Variants in EPHA5 observed in about 807,000 individuals in gnomAD.
EPHA5 encodes EPH receptor A5.
Under a neutral mutation model 105.0 loss-of-function variants are expected in EPHA5, and 60 were observed. That is an observed-to-expected ratio of 0.57 (90% CI 0.46 to 0.71). EPHA5 has a LOEUF of 0.71. EPHA5 is among the 30% of genes least tolerant of loss of function. EPHA5 has a pLI of 0.00. For synonymous variants in EPHA5, 513 were observed against 449.1 expected (o/e 1.14, Z -1.80); for missense variants, 1,218 against 1,274.7 (o/e 0.96, Z 0.68).
At chr4:65,649,839 T>G (rs1337794434) in intron 1 of EPHA5, among the ~76,000 whole-genome samples, 10 of 152,168 alleles carry the variant, frequency 6.6e-5, no homozygotes, top group Non-Finnish European at 1.3e-4. Flanking sequence ...CTTTTCATCT[T>G]CAGTGACAAC....
intron 13 of EPHA5, among the ~76,000 whole-genome samples, chr4:65,350,699 A>G (rs1326528444): frequency 1.3e-5 from 2 of 152,098 alleles, no homozygotes; most frequent in Non-Finnish European, 2.9e-5. Context: ...AAAAATGTCA[A>G]TTATATACCA....
intron 3 of EPHA5, among the ~76,000 whole-genome samples, chr4:65,524,752 T>C (rs574908577): frequency 3.2e-4 from 49 of 151,958 alleles, no homozygotes; most frequent in African/African-American, 1.2e-3. Flanking sequence ...ACATTTCCCA[T>C]ATGAATGAAG....
intron 8 of EPHA5, among the ~76,000 whole-genome samples, chr4:65,390,129 A>G (rs1447285113): frequency 1.3e-5 from 2 of 151,994 alleles, no homozygotes; most frequent in African/African-American, 4.8e-5. Flanking sequence ...TGGCTGGGGA[A>G]AGACTGCCCC....
intron 3 of EPHA5, chr4:65,574,084 TCCCAAAACATCTTA>T (rs1409148109): frequency 1.2e-6 from 2 of 1,606,602 alleles, no homozygotes; most frequent in African/African-American, 2.7e-5. Flanking sequence ...AATGTAAAAA[TCCCAAAACATCTTA>T]CTGATGCTTA....
chr4:65,536,352 A>T (rs1013506824), intron 3 of EPHA5, among the ~76,000 whole-genome samples: 3 of 151,972 alleles, frequency 2.0e-5, no homozygotes, highest in East Asian at 1.9e-4. Context: ...AAACATTTTT[A>T]AAAATCACCG....
At chr4:65,517,790 G>A (rs906473604) in intron 3 of EPHA5, among the ~76,000 whole-genome samples, 27 of 151,786 alleles carry the variant, frequency 1.8e-4, no homozygotes, top group African/African-American at 6.5e-4. Context: ...TTTTGTATTA[G>A]CAATGATACA....
chr4:65,332,493 T>TA (rs1392450587), intron 15 of EPHA5, among the ~76,000 whole-genome samples: 1 of 151,654 alleles, frequency 6.6e-6, no homozygotes, highest in African/African-American at 2.4e-5. Flanking sequence ...TTTGTCCAAA[T>TA]CTGTAAAATG....
intron 3 of EPHA5, among the ~76,000 whole-genome samples, chr4:65,510,027 ACTT>A (rs1349573546): frequency 1.4e-5 from 2 of 138,050 alleles, no homozygotes; most frequent in Non-Finnish European, 1.5e-5. Flanking sequence ...GATGATACAT[ACTT>A]CTTTTTTTTT....
rs1449492788 is a variant in EPHA5, at chr4:65,321,257, T to G, written c.*2857A>C. 4.3e-6 allele frequency: 1 copy of G among 230,356 alleles called. No individual in the cohort carries two copies. Among genetic ancestry groups the G allele is most frequent in the Non-Finnish European group, 8.6e-6 (1 of 116,244 alleles). The allele number at this position is 230,356 out of a possible 1,614,324, so 14.3% of individuals were successfully genotyped here. Reference sequence around the variant, plus strand: ...TCTGTTGTATATACTAAAATTGTCATGTCTGTGCTTTATTTTTGGTAGTCT... The same window carrying G: ...TCTGTTGTATATACTAAAATTGTCAGGTCTGTGCTTTATTTTTGGTAGTCT... On this transcript the variant is annotated 3_prime_UTR_variant, in exon 17 of 17. Coordinates refer to ENST00000613740, the MANE Select transcript of EPHA5 (RefSeq NM_001281766.3).
At chr4:65,539,764 CATTGTT>C (rs1736638265) in intron 3 of EPHA5, among the ~76,000 whole-genome samples, 1 of 151,500 alleles carries the variant, frequency 6.6e-6, no homozygotes, top group African/African-American at 2.4e-5. Context: ...TTGTCACTGT[CATTGTT>C]ATTGCTGTTA....
At chr4:65,408,648 T>C (rs1200326127) in intron 7 of EPHA5, among the ~76,000 whole-genome samples, 1 of 152,048 alleles carries the variant, frequency 6.6e-6, no homozygotes, top group African/African-American at 2.4e-5. Context: ...AGATACCATC[T>C]CACAGCAGTT....
chr4:65,433,850 T>A (rs938494301), intron 5 of EPHA5, among the ~76,000 whole-genome samples: 1 of 152,066 alleles, frequency 6.6e-6, no homozygotes, highest in East Asian at 1.9e-4. Context: ...ACGGATCACC[T>A]GAGGCCAACA....
At chr4:65,559,053 A>T (rs1252935506) in intron 3 of EPHA5, among the ~76,000 whole-genome samples, 1 of 152,166 alleles carries the variant, frequency 6.6e-6, no homozygotes, top group African/African-American at 2.4e-5. Context: ...AATCTAAAAT[A>T]AAAGTTGAAA....
chr4:65,634,995 C>A (rs1382131941), intron 2 of EPHA5, among the ~76,000 whole-genome samples: 1 of 151,964 alleles, frequency 6.6e-6, no homozygotes, highest in Non-Finnish European at 1.5e-5. Flanking sequence ...CACAAACATG[C>A]ACACTATTGT....
At chr4:65,424,776 T>G (rs1384531024) in intron 5 of EPHA5, among the ~76,000 whole-genome samples, 1 of 152,182 alleles carries the variant, frequency 6.6e-6, no homozygotes, top group Non-Finnish European at 1.5e-5. Context: ...TCTAAATTAA[T>G]AAAAAGTTAT....
chr4:65,590,914 A>G (rs1298308105), intron 3 of EPHA5, among the ~76,000 whole-genome samples: 1 of 152,142 alleles, frequency 6.6e-6, no homozygotes, highest in African/African-American at 2.4e-5. Flanking sequence ...GTGTGTTTTT[A>G]CACTGTACAA....
At chr4:65,553,369 A>C (rs765389074) in intron 3 of EPHA5, among the ~76,000 whole-genome samples, 2 of 152,046 alleles carry the variant, frequency 1.3e-5, no homozygotes, top group Non-Finnish European at 2.9e-5. Context: ...TTGAAGGACA[A>C]CCTGGCTTAA....
chr4:65,616,454 C>CAG (rs1235345244), intron 2 of EPHA5, among the ~76,000 whole-genome samples: 1,746 of 147,904 alleles, frequency 0.012, 12 homozygotes, highest in Middle Eastern at 0.046. Flanking sequence ...CACACACACA[C>CAG]AGAGAGAGAG....
In EPHA5 at chr4:65,591,071, C is replaced by CATGAAATTTTCAACTCAT. The variant is rs1163956193; in HGVS notation, c.910+10552_910+10569dup. ...TTTTCCTTATTAGCTTACTGACCTT[C>CATGAAATTTTCAACTCAT]ATGAAATTTTCAACTCATGTTAAAT... On this transcript the variant is annotated intron_variant, in intron 3 of 16. Coordinates refer to ENST00000613740, the MANE Select transcript of EPHA5 (RefSeq NM_001281766.3). 2.6e-5 allele frequency among the ~76,000 whole-genome samples: 4 copies of CATGAAATTTTCAACTCAT among 152,130 alleles called. No homozygotes were observed. The South Asian group carries it at 8.3e-4, about 32-fold the overall frequency.
Sources: gnomAD v4.1 joint callset for allele counts (sites outside exome capture counted in the v4.1 genomes callset) on GRCh38, gnomAD v4.1.1 for gene constraint, MANE v1.5 for transcripts, NCBI Gene and HGNC (gene_info 2026-07-23, HGNC 2026-07-21) for gene names.